The following NOA1 variants were observed in gnomAD, a reference collection of about 807,000 sequenced individuals.
The protein encoded by NOA1 is nitric oxide-associated protein 1.
Under a neutral mutation model 58.4 loss-of-function variants are expected in NOA1, and 35 were observed. The observed-to-expected ratio is 0.60, with a 90% CI of 0.46 to 0.79. The LOEUF is 0.79. Among genes scored for constraint, NOA1 ranks in the 30% least tolerant of loss-of-function variants. The pLI is 0.00. For missense variants in NOA1, 895 were observed against 894.6 expected, an observed-to-expected ratio of 1.00 and a Z score of -0.01; for synonymous variants, 397 against 373.4, an observed-to-expected ratio of 1.06 and a Z score of -0.73.
rs1721704136 is a variant in NOA1 at position 56,966,111 on chromosome 4, C to CT, written c.1764+508dup. 2.7e-5 allele frequency among the ~76,000 whole-genome samples: 4 copies of CT among 146,590 alleles called. No homozygotes were observed. The South Asian group carries it at 8.5e-4, about 31-fold the overall frequency. ...GCGCGATCTTGGCTCACTGCAACCTCTGCCGCTCTGGTTCAAGTGATTCTC... is the reference window on the plus strand; with the variant it reads ...GCGCGATCTTGGCTCACTGCAACCTCTTGCCGCTCTGGTTCAAGTGATTCTC... On this transcript the variant is annotated intron_variant, in intron 5 of 6. Transcript: ENST00000264230.
Position 56,976,613 on chromosome 4 carries a change from C to T in NOA1, c.973G>A (p.Glu325Lys). The T allele has an allele frequency of 6.2e-7, 1 of 1,614,232 alleles. No individual in the cohort carries two copies. Among genetic ancestry groups the T allele is most frequent in the Non-Finnish European group, 8.5e-7 (1 of 1,180,034 alleles). ...CGCTGAAGGGCAGAGATCAACTCTTCCACTCCATAGCCGGTCTTGGCGCTG... is the reference window on the plus strand; with the variant it reads ...CGCTGAAGGGCAGAGATCAACTCTTTCACTCCATAGCCGGTCTTGGCGCTG... ...LISAKTGYGV[E>K]ELISALQRSW... Residue 325 changes from glutamate to lysine, a missense_variant, in exon 1 of 7, where the codon GAA becomes AAA. Around this residue, in one of 3 missense-constraint regions of NOA1, gnomAD observed 680 missense variants for 656.5 expected, o/e 1.04. Coordinates refer to ENST00000264230, the MANE Select transcript of NOA1 (RefSeq NM_032313.4).
Position 56,966,761 on chromosome 4 carries a change from A to G in NOA1, c.1648-25T>C, listed in dbSNP as rs755527264. On this transcript the variant is annotated intron_variant, in intron 4 of 6. Transcript: ENST00000264230. ...CCTTAAGAAAGGAAGAAGTTATCTG[A>G]CCTGGTGAAAAACTTGGAAAACCTG... 5.4e-6 allele frequency: 8 copies of G among 1,488,556 alleles called. No homozygotes were observed. In the East Asian group the frequency reaches 6.8e-5, roughly 13 times the overall value. 92.2% of individuals were successfully genotyped at this position (1,488,556 alleles called of 1,614,324 possible). A position where few individuals can be genotyped will look rare whatever the true frequency, so the allele number is the denominator to read the frequency against.
At position 56,966,699 on chromosome 4, in the gene NOA1, T is replaced by A. The variant is rs1721718033; in HGVS notation, c.1685A>T (p.Asn562Ile). 6.2e-7 allele frequency: 1 copy of A among 1,613,864 alleles called. No individual in the cohort carries two copies. The highest frequency in any genetic ancestry group is 1.3e-5 in the African/African-American group (1 of 75,012). The change falls in exon 5 of 7, where the codon AAC becomes ATC. Residue 562 changes from asparagine to isoleucine, a missense_variant. Around this residue, in one of 3 missense-constraint regions of NOA1, gnomAD observed 212 missense variants for 221.3 expected, o/e 0.96. Transcript: ENST00000264230. ...GGAGGTGATATGCACAGGGAGGATG[T>A]TGGAAGCCACGACTGTAAACCAAGC... is the stretch of plus-strand genomic sequence containing the variant. ...QSAWFTVVAS[N>I]ILPVHITSLD...
chr4:56,970,965 AAT>A (rs1188207510), intron 3 of NOA1, among the ~76,000 whole-genome samples: 1 of 152,152 alleles, frequency 6.6e-6, no homozygotes, highest in Non-Finnish European at 1.5e-5. Flanking sequence ...ACAACTATTT[AAT>A]AGAGGATATA....
intron 1 of NOA1, among the ~76,000 whole-genome samples, chr4:56,975,950 G>T: frequency 6.6e-6 from 1 of 152,174 alleles, no homozygotes; most frequent in African/African-American, 2.4e-5. Context: ...GGGAGGCTGA[G>T]GCAGGAGAAT....
chr4:56,971,464 T>A (rs1055844304), intron 3 of NOA1, among the ~76,000 whole-genome samples: 10 of 150,652 alleles, frequency 6.6e-5, no homozygotes, highest in Admixed American at 1.3e-4. Flanking sequence ...AGGAGAGCAA[T>A]AAAATTTAAA....
intron 1 of NOA1, among the ~76,000 whole-genome samples, chr4:56,976,123 T>C (rs1244877743): frequency 6.6e-6 from 1 of 152,168 alleles, no homozygotes; most frequent in East Asian, 1.9e-4. Context: ...TCTGGAACAA[T>C]ATACAAAGAA....
At chr4:56,972,013 C>T (rs899997330) in intron 3 of NOA1, among the ~76,000 whole-genome samples, 8 of 152,028 alleles carry the variant, frequency 5.3e-5, no homozygotes, top group African/African-American at 1.9e-4. Context: ...CTCAGCCTCC[C>T]GAGTAGCTGG....
rs758868873 is a variant in NOA1, at chr4:56,977,408, C to T, written c.178G>A (p.Glu60Lys). Residue 60 changes from glutamate (E) to lysine (K), a missense_variant, in exon 1 of 7, where the codon GAG becomes AAG. This residue lies in a region of NOA1 where 680 missense variants were observed against 656.5 expected (regional missense o/e 1.04). Coordinates refer to ENST00000264230, the MANE Select transcript of NOA1 (RefSeq NM_032313.4). ...RELPYDPVDT[E>K]GFGEGGDMQE... ...ATGTCACCACCTTCTCCAAAGCCCT[C>T]CGTGTCCACGGGGTCATAAGGAAGC... is the stretch of plus-strand genomic sequence containing the variant. The T allele has an allele frequency of 9.3e-6, 15 of 1,614,092 alleles. No individual in the cohort carries two copies. Among genetic ancestry groups the T allele is most frequent in the Non-Finnish European group, 1.0e-5 (12 of 1,180,048 alleles).
rs1578543314 is a variant in NOA1, at chr4:56,976,489, G to A, written c.1097C>T (p.Ala366Val). The part of the protein sequence containing the change: ...NTLLESDYCT[A>V]KGSEAIDRAT... ...TCTGTCGATGGCCTCGGAGCCCTTG[G>A]CAGTGCAGTAATCGGACTCCAGGAG... The change falls in exon 1 of 7, where the codon GCC (alanine) becomes GTC (valine). Residue 366 changes from alanine to valine, a missense_variant. Physicochemically the swap from Ala to Val is moderately conservative, Grantham distance 64 (BLOSUM62 0). Around this residue, in one of 3 missense-constraint regions of NOA1, gnomAD observed 680 missense variants for 656.5 expected, o/e 1.04. Transcript: ENST00000264230. The A allele has an allele frequency of 1.9e-6, 3 of 1,614,110 alleles. No individual in the cohort carries two copies. The highest frequency in any genetic ancestry group is 2.5e-6 in the Non-Finnish European group (3 of 1,180,038).
At chr4:56,973,034 C>A in intron 3 of NOA1, 114 bp downstream of exon 3, 1 of 886,336 alleles carries the variant, frequency 1.1e-6, no homozygotes, top group Non-Finnish European at 1.8e-6. Flanking sequence ...TACACTCTTT[C>A]TCTATTGCAA....
chr4:56,964,256 G>A lies in NOA1; in HGVS notation c.1885+150C>T, dbSNP rs528495242. On this transcript the variant is annotated intron_variant, in intron 6 of 6. Coordinates refer to ENST00000264230, the MANE Select transcript of NOA1 (RefSeq NM_032313.4). ...CTAATTTTGTACTTTTAGTAGAGAC[G>A]GGGTTTCTCCATGTTGGTCAGGTTG... 92 of 759,014 alleles carry A rather than the reference G, an allele frequency of 1.2e-4. No homozygotes were observed. The African/African-American group carries it at 1.4e-3, about 11-fold the overall frequency. The allele number at this position is 759,014 out of a possible 1,614,324, so 47.0% of individuals were successfully genotyped here.
chr4:56,967,581 T>C (rs1721738251), intron 4 of NOA1, among the ~76,000 whole-genome samples: 1 of 151,794 alleles, frequency 6.6e-6, no homozygotes, highest in African/African-American at 2.4e-5. Context: ...TCCATATCCA[T>C]GTTTCATTTT....
chr4:56,964,267 A>G, intron 6 of NOA1, 139 bp downstream of exon 6: 1 of 866,372 alleles, frequency 1.2e-6, no homozygotes, highest in Middle Eastern at 2.7e-4. Context: ...GGGTTTCTCC[A>G]TGTTGGTCAG....
At chr4:56,976,016 C>A (rs1348941814) in intron 1 of NOA1, among the ~76,000 whole-genome samples, 1 of 152,176 alleles carries the variant, frequency 6.6e-6, no homozygotes, top group Non-Finnish European at 1.5e-5. Flanking sequence ...CACTGCACTC[C>A]AGCCTGGGCG....
chr4:56,964,467 A>G lies in NOA1; in HGVS notation c.1824T>C (p.Ile608=). 1.2e-6 allele frequency: 2 copies of G among 1,614,092 alleles called. No individual in the cohort carries two copies. The highest frequency in any genetic ancestry group is 1.1e-5 in the South Asian group (1 of 91,084). The stretch of plus-strand genomic sequence containing the variant: ...ATGCCCCCAGTCCTTCTTTTAACAT[A>G]ATGTCTTCAGCAACAAGAGGAGGAA... ...AGFPPLVAED[I]MLKEGLGASE... Residue 608 remains isoleucine (I), a synonymous_variant, in exon 6 of 7, where the codon ATT becomes ATC. Transcript: ENST00000264230.
Position 56,977,409 on chromosome 4 carries a change from C to G in NOA1, c.177G>C (p.Thr59=). The change falls in exon 1 of 7, where the codon ACG becomes ACC. Residue 59 remains threonine, a synonymous_variant. Transcript: ENST00000264230. ...GRELPYDPVD[T]EGFGEGGDMQ... The stretch of plus-strand genomic sequence containing the variant: ...TGTCACCACCTTCTCCAAAGCCCTC[C>G]GTGTCCACGGGGTCATAAGGAAGCT... 4 of 1,614,198 alleles carry G rather than the reference C, an allele frequency of 2.5e-6. No individual in the cohort carries two copies. The highest frequency in any genetic ancestry group is 3.4e-6 in the Non-Finnish European group (4 of 1,180,042).
chr4:56,969,516 G>C (rs1337731414), intron 3 of NOA1, among the ~76,000 whole-genome samples: 1 of 152,166 alleles, frequency 6.6e-6, no homozygotes, highest in African/African-American at 2.4e-5. Flanking sequence ...AGGTTGTGGT[G>C]AGCCGAGATT....
At chr4:56,971,843 G>A (rs1163441279) in intron 3 of NOA1, among the ~76,000 whole-genome samples, 1 of 151,724 alleles carries the variant, frequency 6.6e-6, no homozygotes, top group African/African-American at 2.4e-5. Flanking sequence ...ATGAGCAATT[G>A]GATAAAAGAG....
Sources: allele counts gnomAD v4.1 joint callset (sites outside exome capture counted in the v4.1 genomes callset), GRCh38; gene constraint gnomAD v4.1.1; regional missense constraint gnomAD v4.1.1; transcripts MANE v1.5; gene names NCBI Gene and HGNC (gene_info 2026-07-23, HGNC 2026-07-21).